ERBIN: variants seen among roughly 807,000 people sequenced by gnomAD.
The protein encoded by ERBIN is densin-180-like protein.
Under a neutral mutation model 158.4 loss-of-function variants are expected in ERBIN, and 60 were observed. That is an observed-to-expected ratio of 0.38 (90% CI 0.31 to 0.47). The LOEUF is 0.47. Ranked by LOEUF, ERBIN falls within the 20% of genes least tolerant of loss-of-function variation. The pLI, the probability that ERBIN is intolerant of heterozygous loss-of-function variation, is 0.99. For synonymous variants in ERBIN, 594 were observed against 557.2 expected, an observed-to-expected ratio of 1.07 and a Z score of -0.93; for missense variants, 1,610 against 1,648.0, an observed-to-expected ratio of 0.98 and a Z score of 0.40.
At chr5:66,044,060 G>A in intron 16 of ERBIN, 77 bp from the exon 17 acceptor site, 2 of 1,063,292 alleles carry the variant, frequency 1.9e-6, no homozygotes, top group Non-Finnish European at 2.6e-6. Context: ...AATTCAGATG[G>A]GTTACAGATT....
At chr5:66,028,212 C>G (rs1756484083) in intron 13 of ERBIN, 62 bp from the exon 14 acceptor site, 23 of 1,265,800 alleles carry the variant, frequency 1.8e-5, no homozygotes, top group Middle Eastern at 2.3e-4. Context: ...AGGTTGAACC[C>G]TCATTCATTT....
rs779120145 is a variant in ERBIN at position 66,050,913 on chromosome 5, C to T, written c.2034C>T (p.Thr678=). The T allele has an allele frequency of 6.2e-6, 10 of 1,605,914 alleles. No homozygotes were observed. The East Asian group carries it at 1.1e-4, about 18-fold the overall frequency. ...VSLNTDSSQD[T]SLCSPVKQTH... is the part of the protein sequence containing the mutation. ...TTAATACTGATAGTAGTCAAGACAC[C>T]TCACTCTGCTCTCCAGTGAAACAAA... Residue 678 remains threonine, a synonymous_variant, in exon 20 of 26, where the codon ACC becomes ACT. Transcript: ENST00000284037.
intron 15 of ERBIN, among the ~76,000 whole-genome samples, chr5:66,039,329 A>G (rs1288239337): frequency 6.6e-6 from 1 of 151,862 alleles, no homozygotes; most frequent in East Asian, 1.9e-4. Flanking sequence ...GGAACCAAGC[A>G]TTTCACATAA....
Position 66,054,918 on chromosome 5 carries a change from A to C in ERBIN, c.3600A>C (p.Val1200=). 6.3e-7 allele frequency: 1 copy of C among 1,595,846 alleles called. No individual in the cohort carries two copies. Among genetic ancestry groups the C allele is most frequent in the Non-Finnish European group, 8.5e-7 (1 of 1,170,360 alleles). ...TTCCTCGTGACTGGAGAGAACAAGT[A>C]CTTCGACATATTGAAGCCAAAAAGT... ...SKVPRDWREQ[V]LRHIEAKKLE... is the part of the protein sequence containing the mutation. Residue 1200 remains valine (V), a synonymous_variant, in exon 21 of 26, where the codon GTA becomes GTC. Transcript: ENST00000284037.
At chr5:65,966,123 AC>A (rs1748588614) in intron 1 of ERBIN, among the ~76,000 whole-genome samples, 1 of 152,230 alleles carries the variant, frequency 6.6e-6, no homozygotes, top group Non-Finnish European at 1.5e-5. Flanking sequence ...GACTGTATAA[AC>A]AATGTTGGTT....
chr5:65,983,733 C>T (rs956135861), intron 1 of ERBIN, among the ~76,000 whole-genome samples: 6 of 152,204 alleles, frequency 3.9e-5, no homozygotes, highest in African/African-American at 1.4e-4. Context: ...TGCCTCCAGG[C>T]GACCCCAGAG....
intron 1 of ERBIN, among the ~76,000 whole-genome samples, chr5:65,983,820 T>G (rs1182605048): frequency 6.6e-6 from 1 of 152,192 alleles, no homozygotes; most frequent in Non-Finnish European, 1.5e-5. Flanking sequence ...TCTGGAGACC[T>G]GGCATCTATG....
chr5:65,976,969 C>A (rs1749958100), intron 1 of ERBIN, among the ~76,000 whole-genome samples: 1 of 152,226 alleles, frequency 6.6e-6, no homozygotes, highest in African/African-American at 2.4e-5. Context: ...CCCCACCTTT[C>A]CCCTCTTTCT....
At chr5:65,954,146 C>T (rs1307928125) in intron 1 of ERBIN, among the ~76,000 whole-genome samples, 1 of 152,024 alleles carries the variant, frequency 6.6e-6, no homozygotes, top group African/African-American at 2.4e-5. Flanking sequence ...TTGATTGAGA[C>T]GATATATTAA....
At chr5:66,019,667 C>T (rs557196710) in intron 7 of ERBIN, among the ~76,000 whole-genome samples, 1 of 152,202 alleles carries the variant, frequency 6.6e-6, no homozygotes, top group South Asian at 2.1e-4. Context: ...TATTACATAT[C>T]TGTATCACTC....
chr5:66,041,037 G>T (rs959830245), intron 15 of ERBIN, among the ~76,000 whole-genome samples: 3 of 151,808 alleles, frequency 2.0e-5, no homozygotes, highest in African/African-American at 7.3e-5. Context: ...GAGTCTGAGG[G>T]TTTTTATTGC....
chr5:66,053,544 T>A lies in ERBIN; in HGVS notation c.2226T>A (p.Val742=). The change falls in exon 21 of 26, where the codon GTT becomes GTA. Residue 742 remains valine (V), a synonymous_variant. Coordinates refer to ENST00000284037, the MANE Select transcript of ERBIN (RefSeq NM_001253697.2). ...ATTTGAATGTTGAAGAGCGATTAGT[T>A]CTAATTGAGAAAAGTGTTGACTCAA... The part of the protein sequence containing the change: ...EYDLNVEERL[V]LIEKSVDSTA... 6.2e-7 allele frequency: 1 copy of A among 1,611,576 alleles called. No homozygotes were observed. Among genetic ancestry groups the A allele is most frequent in the Non-Finnish European group, 8.5e-7 (1 of 1,179,376 alleles).
intron 1 of ERBIN, among the ~76,000 whole-genome samples, chr5:65,975,116 C>A (rs568369831): frequency 1.3e-5 from 2 of 152,076 alleles, no homozygotes; most frequent in East Asian, 3.9e-4. Context: ...CAAGCAATTC[C>A]CCTGCCTCAG....
intron 1 of ERBIN, among the ~76,000 whole-genome samples, chr5:65,947,099 T>A (rs1455161074): frequency 2.0e-5 from 3 of 152,224 alleles, no homozygotes; most frequent in Admixed American, 2.0e-4. Flanking sequence ...GCTTTTAATT[T>A]TGATGAAATC....
chr5:66,013,696 C>CT, intron 6 of ERBIN, 58 bp downstream of exon 6: 1 of 1,122,292 alleles, frequency 8.9e-7, no homozygotes, highest in Non-Finnish European at 1.4e-6. Flanking sequence ...GTTTACAAAA[C>CT]TATAAGCTGC....
At chr5:66,078,305 A>G (rs1372605633) in intron 25 of ERBIN, 118 bp from the exon 26 acceptor site, 10 of 669,296 alleles carry the variant, frequency 1.5e-5, no homozygotes, top group Non-Finnish European at 2.6e-5. Context: ...GTGAATCTGT[A>G]TGTTATTTTA....
chr5:66,056,362 T>C (rs971921619), intron 21 of ERBIN, among the ~76,000 whole-genome samples: 1 of 152,164 alleles, frequency 6.6e-6, no homozygotes, highest in South Asian at 2.1e-4. Context: ...TGTCTTTGGC[T>C]ATTAGTGGAC....
chr5:65,997,233 G>A (rs760491491), intron 4 of ERBIN, among the ~76,000 whole-genome samples: 1 of 152,174 alleles, frequency 6.6e-6, no homozygotes, highest in Non-Finnish European at 1.5e-5. Context: ...TATGATGTGA[G>A]CTGTGGGTTT....
At chr5:65,991,100 C>T (rs185010961) in intron 2 of ERBIN, among the ~76,000 whole-genome samples, 19 of 152,278 alleles carry the variant, frequency 1.2e-4, no homozygotes, top group Non-Finnish European at 2.4e-4. Flanking sequence ...AAATACATAT[C>T]TTATTCTTTG....
Sources: gnomAD v4.1 joint callset for allele counts (sites outside exome capture counted in the v4.1 genomes callset) on GRCh38, gnomAD v4.1.1 for gene constraint, MANE v1.5 for transcripts, NCBI Gene and HGNC (gene_info 2026-07-23, HGNC 2026-07-21) for gene names.